PSG6: variants seen among roughly 807,000 people sequenced by gnomAD.
PSG6 encodes pregnancy specific beta-1-glycoprotein 6, also known as pregnancy-specific beta-1-glycoprotein 6.
A neutral mutation model predicts 43.3 loss-of-function variants in PSG6; 51 were observed. That is an observed-to-expected ratio of 1.18 (90% CI 0.94 to 1.49). The LOEUF (loss-of-function observed/expected upper bound fraction) is 1.49, where lower values mean the gene tolerates loss of function less well. PSG6 is among the 40% of genes most tolerant of loss of function. The pLI, the probability that PSG6 is intolerant of heterozygous loss-of-function variation, is 0.00. For missense variants in PSG6, 770 were observed against 522.2 expected (o/e 1.47, Z -4.62); for synonymous variants, 292 against 197.6 (o/e 1.48, Z -4.01).
rs182317019 is a variant in PSG6, at chr19:42,907,143, A to C, written c.1019T>G (p.Phe340Cys). The change falls in exon 5 of 6, where the codon TTC (phenylalanine) becomes TGC (cysteine). Residue 340 changes from phenylalanine to cysteine, a missense_variant. Transcript: ENST00000187910. ...GTTTTCTCCTGAACGGTAATAGGTGAATGAAGGGTAAATTCTGGGGAGGTC... is the reference window on the plus strand; with the variant it reads ...GTTTTCTCCTGAACGGTAATAGGTGCATGAAGGGTAAATTCTGGGGAGGTC... ...GPDLPRIYPS[F>C]TYYRSGENLD... The C allele has an allele frequency of 1.0e-4, 165 of 1,612,676 alleles. 5 individuals carry two copies. The East Asian group carries it at 3.4e-3, about 33-fold the overall frequency.
In PSG6 at chr19:42,910,662, C is replaced by T. The variant is rs558740349; in HGVS notation, c.624G>A (p.Lys208=). 4 of 1,612,236 alleles carry T rather than the reference C, an allele frequency of 2.5e-6. No individual in the cohort carries two copies. Among genetic ancestry groups the T allele is most frequent in the South Asian group, 2.2e-5 (2 of 90,616 alleles). ...NRTLYLFGVT[K]YIAGPYECEI... ...CACATTCATAGGGTCCTGCAATATACTTTGTGACACCAAATAGATAGAGGG... is the reference window on the plus strand; with the variant it reads ...CACATTCATAGGGTCCTGCAATATATTTTGTGACACCAAATAGATAGAGGG... Residue 208 remains lysine, a synonymous_variant, in exon 3 of 6, where the codon AAG becomes AAA. Transcript: ENST00000187910.
rs140150194 is a variant in PSG6, at chr19:42,907,627, G to A, written c.934C>T (p.Arg312Trp). The A allele has an allele frequency of 1.9e-6, 3 of 1,611,868 alleles. No individual in the cohort carries two copies. The highest frequency in any genetic ancestry group is 2.2e-5 in the South Asian group (2 of 90,796). ...CTGCGGATGCCACCATATCGGTCCC[G>A]TATTTCACATTGATAGGGTCCTGTT... ...NETGPYQCEI[R>W]DRYGGIRSNP... Residue 312 changes from arginine to tryptophan, a missense_variant, in exon 4 of 6, where the codon CGG becomes TGG. Physicochemically the swap from Arg to Trp is moderately radical, Grantham distance 101. Transcript: ENST00000187910.
Position 42,907,001 on chromosome 19 carries a change from A to G in PSG6, c.1161T>C (p.His387=). 6.2e-7 allele frequency: 1 copy of G among 1,612,438 alleles called. No individual in the cohort carries two copies. ...KLFIPQITTN[H]SGLYACSVRN... is the part of the protein sequence containing the mutation. ...GAACAGAGCAAGCATAGAGCCCGCTATGATTTGTAGTAATTTGGGGGATAA... is the reference window on the plus strand; with the variant it reads ...GAACAGAGCAAGCATAGAGCCCGCTGTGATTTGTAGTAATTTGGGGGATAA... The change falls in exon 5 of 6, where the codon CAT becomes CAC. Residue 387 remains histidine (H), a synonymous_variant. Coordinates refer to ENST00000187910, the MANE Select transcript of PSG6 (RefSeq NM_001031850.4).
Position 42,907,808 on chromosome 19 carries a change from C to T in PSG6, c.753G>A (p.Arg251=). The stretch of plus-strand genomic sequence containing the variant: ...TGAAGGCTAACACATCCTTCTTCTC[C>T]CTGGGGTTTAAGTTGTTGATGGTGA... ...PYITINNLNP[R]EKKDVLAFTC... is the part of the protein sequence containing the mutation. The change falls in exon 4 of 6, where the codon AGG becomes AGA. Residue 251 remains arginine (R), a synonymous_variant. Transcript: ENST00000187910. 6.2e-7 allele frequency: 1 copy of T among 1,611,468 alleles called. No individual in the cohort carries two copies. The highest frequency in any genetic ancestry group is 8.5e-7 in the Non-Finnish European group (1 of 1,179,068).
chr19:42,913,393 C>T (rs139680628), intron 2 of PSG6, among the ~76,000 whole-genome samples: 3 of 151,914 alleles, frequency 2.0e-5, no homozygotes, highest in East Asian at 1.9e-4. Flanking sequence ...CTTGTGCCCG[C>T]CTCAGCCTCC....
At chr19:42,915,808 T>G (rs1972314042) in intron 2 of PSG6, 5 of 504,526 alleles carry the variant, frequency 9.9e-6, no homozygotes, top group Admixed American at 3.6e-5. Flanking sequence ...TACTCAGTTT[T>G]CCAGGGTCTT....
chr19:42,915,438 T>C (rs1050975983), intron 2 of PSG6: 14 of 152,054 alleles, frequency 9.2e-5, no homozygotes, highest in African/African-American at 3.1e-4. Flanking sequence ...TTTCTGCTTC[T>C]GGGGATATTA....
intron 5 of PSG6, among the ~76,000 whole-genome samples, chr19:42,904,038 A>G (rs184749679): frequency 7.9e-5 from 12 of 151,976 alleles, no homozygotes; most frequent in African/African-American, 2.7e-4. Flanking sequence ...TCCTAGAAAC[A>G]CACAAAAATA....
At position 42,909,476 on chromosome 19, in the gene PSG6, T is replaced by A. The variant is rs956601449; in HGVS notation, c.706+1104A>T. On this transcript the variant is annotated intron_variant, in intron 3 of 5. Transcript: ENST00000187910. ...AATGTTACTGGGATTCTGGTAGGGGTTGCATTGAATCTGCAACTCAATTGG... is the reference window on the plus strand; with the variant it reads ...AATGTTACTGGGATTCTGGTAGGGGATGCATTGAATCTGCAACTCAATTGG... Among the ~76,000 whole-genome samples, 25 of 151,558 alleles carry A rather than the reference T, an allele frequency of 1.6e-4. 1 individual carries two copies. Among genetic ancestry groups the A allele is most frequent in the African/African-American group, 5.8e-4 (24 of 41,242 alleles).
intron 5 of PSG6, 34 bp downstream of exon 5, chr19:42,906,888 A>C: frequency 6.2e-7 from 1 of 1,611,940 alleles, no homozygotes; most frequent in Non-Finnish European, 8.5e-7. Flanking sequence ...CTCCACCTAA[A>C]ACCCTATTGC....
intron 1 of PSG6, 58 bp from the exon 2 acceptor site, chr19:42,916,545 TGGG>T (rs1972338745): frequency 2.6e-6 from 4 of 1,559,962 alleles, no homozygotes; most frequent in African/African-American, 1.4e-5. Context: ...GGTGAAAAGA[TGGG>T]GCCCTGTGTC....
chr19:42,908,537 G>C (rs373202481), intron 3 of PSG6, among the ~76,000 whole-genome samples: 4 of 151,662 alleles, frequency 2.6e-5, no homozygotes, highest in Non-Finnish European at 5.9e-5. Flanking sequence ...AGAGTGAAGG[G>C]GACAGGCAAG....
chr19:42,909,225 G>A (rs1166388021), intron 3 of PSG6, among the ~76,000 whole-genome samples: 4 of 151,568 alleles, frequency 2.6e-5, no homozygotes, highest in African/African-American at 9.7e-5. Context: ...CTCTCACCAT[G>A]TTTCTAGCTT....
At chr19:42,914,095 G>A (rs1346738941) in intron 2 of PSG6, among the ~76,000 whole-genome samples, 1 of 151,522 alleles carries the variant, frequency 6.6e-6, no homozygotes, top group Non-Finnish European at 1.5e-5. Flanking sequence ...AATTACAAGG[G>A]TGGATGGGGG....
chr19:42,905,535 A>C (rs1196639782), intron 5 of PSG6, among the ~76,000 whole-genome samples: 3 of 151,704 alleles, frequency 2.0e-5, no homozygotes, highest in Non-Finnish European at 2.9e-5. Flanking sequence ...AAAATTAAAC[A>C]ATAAATTACC....
intron 5 of PSG6, among the ~76,000 whole-genome samples, chr19:42,905,625 T>A (rs914925902): frequency 9.9e-5 from 15 of 151,696 alleles, no homozygotes; most frequent in Non-Finnish European, 1.8e-4. Context: ...TACACTGATG[T>A]ACAGAGAAGC....
chr19:42,912,828 A>C (rs1972252467), intron 2 of PSG6, among the ~76,000 whole-genome samples: 1 of 151,624 alleles, frequency 6.6e-6, no homozygotes, highest in Non-Finnish European at 1.5e-5. Flanking sequence ...CATCATGAGG[A>C]AATAGTTGTA....
chr19:42,911,280 A>C (rs184251203), intron 2 of PSG6, among the ~76,000 whole-genome samples: 1 of 151,672 alleles, frequency 6.6e-6, no homozygotes, highest in Non-Finnish European at 1.5e-5. Flanking sequence ...TTCCCTTGCC[A>C]AGGACATCCT....
chr19:42,903,726 A>G (rs987334198), intron 5 of PSG6: 1 of 169,912 alleles, frequency 5.9e-6, no homozygotes, highest in African/African-American at 7.3e-5. Context: ...CTGTCTCTAC[A>G]AAAAAAAAAA....
Sources: allele counts gnomAD v4.1 joint callset (sites outside exome capture counted in the v4.1 genomes callset), GRCh38; gene constraint gnomAD v4.1.1; transcripts MANE v1.5; gene names NCBI Gene and HGNC (gene_info 2026-07-23, HGNC 2026-07-21).